UGT1A8: variants seen among roughly 807,000 people sequenced by gnomAD.
The protein encoded by UGT1A8 is UDP-glucuronosyltransferase 1A8.
A neutral mutation model predicts 45.3 loss-of-function variants in UGT1A8; 39 were observed. That is an observed-to-expected ratio of 0.86 (90% CI 0.67 to 1.12). The LOEUF is 1.12. UGT1A8 is among the 50% of genes most tolerant of loss of function. UGT1A8 has a pLI of 0.00. For missense variants in UGT1A8, 719 were observed against 664.9 expected (o/e 1.08, Z -0.90); for synonymous variants, 275 against 249.2 (o/e 1.10, Z -0.97).
At chr2:233,743,755 C>T in intron 1 of UGT1A8, 1 of 1,367,374 alleles carries the variant, frequency 7.3e-7, no homozygotes, top group Non-Finnish European at 9.8e-7. Context: ...CCGACAACAC[C>T]TCGTAGGCCT....
chr2:233,681,945 G>A (rs752380757), intron 1 of UGT1A8: 6 of 1,613,218 alleles, frequency 3.7e-6, no homozygotes, highest in Admixed American at 1.7e-5. Context: ...CTGATGGCTC[G>A]TGCAGGGTGG....
intron 1 of UGT1A8, among the ~76,000 whole-genome samples, chr2:233,662,642 T>C (rs1264594800): frequency 1.3e-5 from 2 of 152,168 alleles, no homozygotes; most frequent in African/African-American, 4.8e-5. Context: ...TTTGACTGCA[T>C]TGAATAGAAC....
chr2:233,636,194 CT>C (rs2073285771), intron 1 of UGT1A8, among the ~76,000 whole-genome samples: 2 of 150,854 alleles, frequency 1.3e-5, no homozygotes, highest in Non-Finnish European at 2.9e-5. Context: ...TTCAAATTTA[CT>C]TTCACTTTAT....
chr2:233,757,535 AATATATATATAT>A (rs67292694), intron 1 of UGT1A8, among the ~76,000 whole-genome samples: 4 of 88,300 alleles, frequency 4.5e-5, no homozygotes, highest in African/African-American at 5.0e-5. Flanking sequence ...GCCTGTAAGG[AATATATATATAT>A]ATATATATAT....
chr2:233,629,920 T>C (rs1048347855), intron 1 of UGT1A8, among the ~76,000 whole-genome samples: 1 of 152,160 alleles, frequency 6.6e-6, no homozygotes, highest in African/African-American at 2.4e-5. Context: ...GGCATAAACT[T>C]GTTCATGTTA....
At chr2:233,638,078 A>C (rs961705449) in intron 1 of UGT1A8, among the ~76,000 whole-genome samples, 5 of 152,152 alleles carry the variant, frequency 3.3e-5, no homozygotes, top group Non-Finnish European at 7.4e-5. Flanking sequence ...CTTTTATCTT[A>C]GTAGACTAGA....
intron 1 of UGT1A8, among the ~76,000 whole-genome samples, chr2:233,654,113 T>A (rs2073801080): frequency 6.6e-6 from 1 of 152,182 alleles, no homozygotes; most frequent in Non-Finnish European, 1.5e-5. Flanking sequence ...GATATGAAGA[T>A]GAAATACATA....
intron 1 of UGT1A8, among the ~76,000 whole-genome samples, chr2:233,764,774 A>C (rs1698642300): frequency 6.6e-6 from 1 of 152,202 alleles, no homozygotes; most frequent in African/African-American, 2.4e-5. Context: ...GAAGGAGTTC[A>C]GAAAAACCAT....
intron 1 of UGT1A8, among the ~76,000 whole-genome samples, chr2:233,635,702 C>T (rs546111444): frequency 6.6e-6 from 1 of 150,942 alleles, no homozygotes; most frequent in South Asian, 2.1e-4. Context: ...TCCAGGAGTC[C>T]TCAGCAGACT....
chr2:233,756,919 A>G (rs1444597051), intron 1 of UGT1A8, among the ~76,000 whole-genome samples: 2 of 152,130 alleles, frequency 1.3e-5, no homozygotes. Flanking sequence ...CTGAGTTTAT[A>G]TAACCTCTAG....
chr2:233,770,320 A>G (rs1342178288), intron 4 of UGT1A8: 1 of 152,182 alleles, frequency 6.6e-6, no homozygotes, highest in African/African-American at 2.4e-5. Flanking sequence ...TATGCTGACA[A>G]CCAGGCCATA....
chr2:233,761,186 T>C, intron 1 of UGT1A8: 1 of 1,614,212 alleles, frequency 6.2e-7, no homozygotes. Context: ...CATGCGTATA[T>C]TCTTTCAGAT....
chr2:233,717,511 GA>G (rs781193687), intron 1 of UGT1A8, among the ~76,000 whole-genome samples: 30 of 152,328 alleles, frequency 2.0e-4, no homozygotes, highest in Non-Finnish European at 3.5e-4. Context: ...TTTCTAATGG[GA>G]GTAACTTCCT....
chr2:233,758,819 C>G (rs577329711), intron 1 of UGT1A8, among the ~76,000 whole-genome samples: 1 of 152,190 alleles, frequency 6.6e-6, no homozygotes, highest in African/African-American at 2.4e-5. Flanking sequence ...AGCAGTATAT[C>G]CCCCCCAAAA....
chr2:233,687,125 T>A (rs1442765232), intron 1 of UGT1A8, among the ~76,000 whole-genome samples: 5 of 152,224 alleles, frequency 3.3e-5, no homozygotes, highest in African/African-American at 1.2e-4. Context: ...AAACTCAGCG[T>A]TATCTAGATT....
chr2:233,639,001 C>T (rs2073378070), intron 1 of UGT1A8, among the ~76,000 whole-genome samples: 1 of 152,208 alleles, frequency 6.6e-6, no homozygotes, highest in South Asian at 2.1e-4. Context: ...GTGTTGCCTA[C>T]ACCCCACAGC....
chr2:233,709,457 A>G (rs1559356404), intron 1 of UGT1A8, among the ~76,000 whole-genome samples: 2 of 152,188 alleles, frequency 1.3e-5, no homozygotes, highest in East Asian at 1.9e-4. Flanking sequence ...TTTTAAAGCA[A>G]TCATTTTGGG....
intron 1 of UGT1A8, among the ~76,000 whole-genome samples, chr2:233,697,644 T>A (rs1311012882): frequency 6.6e-6 from 1 of 152,120 alleles, no homozygotes; most frequent in Admixed American, 6.5e-5. Flanking sequence ...CTTTTTTAGT[T>A]CCTTGAGGTG....
intron 1 of UGT1A8, among the ~76,000 whole-genome samples, chr2:233,725,299 C>G (rs59772713): frequency 6.9e-5 from 3 of 43,506 alleles, no homozygotes; most frequent in African/African-American, 2.7e-4. Flanking sequence ...GAGGCAGAGG[C>G]AGAGGCAGAG....
Sources: allele counts gnomAD v4.1 joint callset (sites outside exome capture counted in the v4.1 genomes callset), GRCh38; gene constraint gnomAD v4.1.1; transcripts MANE v1.5; gene names NCBI Gene and HGNC (gene_info 2026-07-23, HGNC 2026-07-21).